The following CTNNA2 variants were observed in gnomAD, a reference collection of about 807,000 sequenced individuals.
CTNNA2 encodes catenin alpha 2, also known as catenin alpha-2.
CTNNA2 carries 42 observed loss-of-function variants against 101.0 expected under a neutral mutation model. That is an observed-to-expected ratio of 0.42 (90% CI 0.32 to 0.54). The LOEUF is 0.54. Among genes scored for constraint, CTNNA2 ranks in the 20% least tolerant of loss-of-function variants. CTNNA2 has a pLI of 0.14. For synonymous variants in CTNNA2, 450 were observed against 456.4 expected, an observed-to-expected ratio of 0.99 and a Z score of 0.18; for missense variants, 871 against 1,223.1, an observed-to-expected ratio of 0.71 and a Z score of 4.29.
At chr2:80,499,492 A>G (rs1687711753) in intron 9 of CTNNA2, among the ~76,000 whole-genome samples, 1 of 151,726 alleles carries the variant, frequency 6.6e-6, no homozygotes, top group Admixed American at 6.6e-5. Context: ...CATTGGCCTG[A>G]ATTTTTTTTT....
intron 8 of CTNNA2, among the ~76,000 whole-genome samples, chr2:80,407,777 T>A (rs1371221745): frequency 2.0e-5 from 3 of 152,172 alleles, no homozygotes; most frequent in African/African-American, 7.2e-5. Flanking sequence ...TGGGCTTCTA[T>A]CTGAAATGAA....
chr2:80,066,424 GC>G (rs1697991400), intron 7 of CTNNA2, among the ~76,000 whole-genome samples: 1 of 151,746 alleles, frequency 6.6e-6, no homozygotes, highest in African/African-American at 2.4e-5. Context: ...TACAAAGTAG[GC>G]AAAGGACTTG....
intron 2 of CTNNA2, among the ~76,000 whole-genome samples, chr2:79,205,476 A>G (rs758644995): frequency 1.1e-4 from 16 of 152,208 alleles, no homozygotes; most frequent in Non-Finnish European, 1.8e-4. Context: ...GCAATGAAAT[A>G]TTGGGCTCTG....
intron 7 of CTNNA2, among the ~76,000 whole-genome samples, chr2:80,390,179 C>T (rs1039978417): frequency 1.2e-4 from 18 of 152,170 alleles, no homozygotes; most frequent in Non-Finnish European, 1.2e-4. Flanking sequence ...TCTAATCTTA[C>T]CCAGGGCTTA....
chr2:80,442,059 A>G (rs780766849), intron 9 of CTNNA2, among the ~76,000 whole-genome samples: 32 of 152,206 alleles, frequency 2.1e-4, no homozygotes, highest in African/African-American at 5.8e-4. Flanking sequence ...ATAAGTTTGT[A>G]TATTCTTGTA....
chr2:79,369,833 T>C (rs753597643), intron 3 of CTNNA2, among the ~76,000 whole-genome samples: 57 of 152,214 alleles, frequency 3.7e-4, no homozygotes, highest in Non-Finnish European at 7.5e-4. Flanking sequence ...CCACCTCCCC[T>C]GAACACCTCT....
chr2:80,075,171 T>C (rs1698596084), intron 7 of CTNNA2, among the ~76,000 whole-genome samples: 1 of 152,312 alleles, frequency 6.6e-6, no homozygotes, highest in East Asian at 1.9e-4. Context: ...GTATTGGAAC[T>C]TGAAATATTT....
At chr2:79,992,101 A>G (rs1020510835) in intron 7 of CTNNA2, among the ~76,000 whole-genome samples, 3 of 152,230 alleles carry the variant, frequency 2.0e-5, no homozygotes, top group Non-Finnish European at 2.9e-5. Flanking sequence ...AATGATTTTC[A>G]GCAGACTTTC....
intron 7 of CTNNA2, among the ~76,000 whole-genome samples, chr2:80,300,597 C>G (rs1676194589): frequency 6.6e-6 from 1 of 151,952 alleles, no homozygotes; most frequent in Non-Finnish European, 1.5e-5. Flanking sequence ...CCCCCATTCC[C>G]TCTTCCTGCT....
chr2:80,372,992 T>G (rs1675593829), intron 7 of CTNNA2, among the ~76,000 whole-genome samples: 1 of 152,212 alleles, frequency 6.6e-6, no homozygotes, highest in East Asian at 1.9e-4. Context: ...CAGCTCAGAA[T>G]GTCAATAGTG....
intron 3 of CTNNA2, among the ~76,000 whole-genome samples, chr2:79,366,964 G>GT (rs2104451730): frequency 6.6e-6 from 1 of 152,298 alleles, no homozygotes; most frequent in East Asian, 1.9e-4. Flanking sequence ...TGAACAAAAG[G>GT]TTTCTGTCCT....
chr2:80,451,523 C>T (rs1337411488), intron 9 of CTNNA2, among the ~76,000 whole-genome samples: 1 of 152,104 alleles, frequency 6.6e-6, no homozygotes, highest in Non-Finnish European at 1.5e-5. Flanking sequence ...AATACACTGA[C>T]CCCTGGCCTC....
At chr2:80,618,640 C>T (rs1699046902) in intron 17 of CTNNA2, 1 of 152,572 alleles carries the variant, frequency 6.6e-6, no homozygotes, top group South Asian at 2.1e-4. Flanking sequence ...AGGCCAAAGG[C>T]TTAAGGAAGG....
At chr2:80,003,029 T>C (rs1285879889) in intron 7 of CTNNA2, among the ~76,000 whole-genome samples, 1 of 152,154 alleles carries the variant, frequency 6.6e-6, no homozygotes, top group Non-Finnish European at 1.5e-5. Context: ...GGTTAAGTGG[T>C]AAAACGTGTT....
chr2:79,258,188 G>T (rs1014289046), intron 2 of CTNNA2, among the ~76,000 whole-genome samples: 1 of 152,146 alleles, frequency 6.6e-6, no homozygotes, highest in Non-Finnish European at 1.5e-5. Context: ...GCAGGGGGTG[G>T]ATAATTCAAC....
intron 2 of CTNNA2, among the ~76,000 whole-genome samples, chr2:79,297,454 G>C (rs914436718): frequency 2.0e-5 from 3 of 152,260 alleles, no homozygotes; most frequent in African/African-American, 7.2e-5. Context: ...CCAATTCTAT[G>C]ACAATATCAA....
At chr2:80,540,233 G>A (rs1691432043) in intron 9 of CTNNA2, among the ~76,000 whole-genome samples, 2 of 152,196 alleles carry the variant, frequency 1.3e-5, no homozygotes, top group South Asian at 2.1e-4. Flanking sequence ...TGAAAAAATA[G>A]GACATTTACT....
intron 7 of CTNNA2, among the ~76,000 whole-genome samples, chr2:80,117,865 G>A (rs540021693): frequency 6.6e-6 from 1 of 152,210 alleles, no homozygotes; most frequent in African/African-American, 2.4e-5. Context: ...CTCTGACCCT[G>A]GAAAGAAGAC....
At chr2:79,853,153 C>T (rs1421372216) in intron 3 of CTNNA2, among the ~76,000 whole-genome samples, 2 of 151,968 alleles carry the variant, frequency 1.3e-5, no homozygotes, top group Admixed American at 1.3e-4. Flanking sequence ...CAGGTGTGAG[C>T]CACTGCACCT....
Sources: gnomAD v4.1 joint callset for allele counts (sites outside exome capture counted in the v4.1 genomes callset) on GRCh38, gnomAD v4.1.1 for gene constraint, MANE v1.5 for transcripts, NCBI Gene and HGNC (gene_info 2026-07-23, HGNC 2026-07-21) for gene names.